Variants in TBC1D1 observed in about 807,000 individuals in gnomAD.
The protein encoded by TBC1D1 is TBC1 (tre-2/USP6, BUB2, cdc16) domain family, member 1.
In TBC1D1, 89 loss-of-function variants were observed where a neutral mutation model predicts 125.6. The ratio of observed to expected loss-of-function variants is 0.71; its 90% CI spans 0.60 to 0.85. TBC1D1 has a LOEUF of 0.85. Among genes scored for constraint, TBC1D1 ranks in the 40% least tolerant of loss-of-function variants. TBC1D1 has a pLI of 0.00. For synonymous variants in TBC1D1, 565 were observed against 564.1 expected, an observed-to-expected ratio of 1.00 and a Z score of -0.02; for missense variants, 1,377 against 1,469.2, an observed-to-expected ratio of 0.94 and a Z score of 1.03.
intron 2 of TBC1D1, among the ~76,000 whole-genome samples, chr4:37,989,973 A>G (rs1283142431): frequency 1.3e-5 from 2 of 152,224 alleles, no homozygotes; most frequent in Non-Finnish European, 2.9e-5. Context: ...TAAAAATAGG[A>G]AGGAAGTTTA....
intron 2 of TBC1D1, among the ~76,000 whole-genome samples, chr4:38,012,688 C>T (rs1741766019): frequency 6.6e-6 from 1 of 152,096 alleles, no homozygotes; most frequent in Non-Finnish European, 1.5e-5. Context: ...TATAATTGAC[C>T]AACAGTTTTT....
intron 2 of TBC1D1, among the ~76,000 whole-genome samples, chr4:37,908,611 G>T (rs182572208): frequency 6.6e-6 from 1 of 152,290 alleles, no homozygotes; most frequent in East Asian, 1.9e-4. Context: ...TCTGGATTTG[G>T]TGTCCACTCT....
At chr4:38,054,927 G>C (rs1048017566) in intron 12 of TBC1D1, 3 of 153,338 alleles carry the variant, frequency 2.0e-5, no homozygotes, top group Non-Finnish European at 4.4e-5. Flanking sequence ...GCGTGCGCAG[G>C]GTGTTTACTG....
chr4:37,986,866 G>A (rs1417692905), intron 2 of TBC1D1, among the ~76,000 whole-genome samples: 2 of 152,072 alleles, frequency 1.3e-5, no homozygotes, highest in South Asian at 2.1e-4. Context: ...ATATGTGAAG[G>A]GTGTCTCTGC....
chr4:38,109,149 C>A (rs776141271), intron 15 of TBC1D1, among the ~76,000 whole-genome samples: 20 of 152,210 alleles, frequency 1.3e-4, no homozygotes, highest in Non-Finnish European at 2.4e-4. Flanking sequence ...TAACATTCAG[C>A]AGTCTTGTTA....
At chr4:38,087,732 C>T (rs1757731912) in intron 12 of TBC1D1, among the ~76,000 whole-genome samples, 1 of 150,700 alleles carries the variant, frequency 6.6e-6, no homozygotes, top group African/African-American at 2.4e-5. Context: ...ATTCCAACTA[C>T]TCACTCGGGA....
chr4:37,974,439 G>A (rs533326039), intron 2 of TBC1D1, among the ~76,000 whole-genome samples: 6 of 152,192 alleles, frequency 3.9e-5, no homozygotes, highest in African/African-American at 9.6e-5. Context: ...GGGTCTCACC[G>A]TGTTGCCCAG....
chr4:37,920,666 A>G (rs961974537), intron 2 of TBC1D1, among the ~76,000 whole-genome samples: 3 of 152,148 alleles, frequency 2.0e-5, no homozygotes, highest in Admixed American at 1.3e-4. Flanking sequence ...AGTCAAAACG[A>G]TGAGAGAGGT....
rs917204528 is a variant in TBC1D1 at position 37,891,334 on chromosome 4, C to A, written c.-108C>A. 1 of 152,362 alleles carries A rather than the reference C, an allele frequency of 6.6e-6. No individual in the cohort carries two copies. Among genetic ancestry groups the A allele is most frequent in the Non-Finnish European group, 1.5e-5 (1 of 68,218 alleles). The allele number at this position is 152,362 out of a possible 1,614,324, so 9.4% of individuals were successfully genotyped here. A position where few individuals can be genotyped will look rare whatever the true frequency, so the allele number is the denominator to read the frequency against. On this transcript the variant is annotated 5_prime_UTR_variant, in exon 1 of 20. Transcript: ENST00000261439. ...TCCCGGCCCGGCCCCGGGCTCTGAG[C>A]GCGCCGCGGCACAGGTAAGGCGCTT...
chr4:37,904,450 T>C (rs1038931422), intron 2 of TBC1D1, among the ~76,000 whole-genome samples: 3 of 152,232 alleles, frequency 2.0e-5, no homozygotes, highest in African/African-American at 7.2e-5. Context: ...GTATTTGGAC[T>C]GAATTTCCTT....
intron 4 of TBC1D1, among the ~76,000 whole-genome samples, chr4:38,019,202 T>G (rs1480411400): frequency 6.6e-6 from 1 of 152,192 alleles, no homozygotes; most frequent in South Asian, 2.1e-4. Context: ...TTTTTCATTT[T>G]CATAATTGAT....
At chr4:37,930,696 T>C (rs1723084207) in intron 2 of TBC1D1, among the ~76,000 whole-genome samples, 1 of 152,226 alleles carries the variant, frequency 6.6e-6, no homozygotes, top group African/African-American at 2.4e-5. Context: ...GTTCTGTGGT[T>C]ACAGTTTTCT....
chr4:37,912,828 C>T (rs894380041), intron 2 of TBC1D1, among the ~76,000 whole-genome samples: 5 of 152,198 alleles, frequency 3.3e-5, no homozygotes, highest in African/African-American at 1.2e-4. Context: ...TTCCCAGCCT[C>T]CAGAACTGTG....
rs1749031971 is a variant in TBC1D1 at position 38,044,510 on chromosome 4, C to T, written c.1542+20C>T. Reference sequence around the variant, plus strand: ...TCCCGGGTAAGTAGCATAATTTCTCCTGATTTAAGTTAAATCACTTTTTAG... The same window carrying T: ...TCCCGGGTAAGTAGCATAATTTCTCTTGATTTAAGTTAAATCACTTTTTAG... On this transcript the variant is annotated intron_variant, in intron 9 of 19. Transcript: ENST00000261439. 1.3e-6 allele frequency: 2 copies of T among 1,597,690 alleles called. No homozygotes were observed. The highest frequency in any genetic ancestry group is 1.7e-6 in the Non-Finnish European group (2 of 1,174,830).
Position 38,021,637 on chromosome 4 carries a change from C to A in TBC1D1, c.1129C>A (p.Gln377Lys). The A allele has an allele frequency of 6.3e-7, 1 of 1,595,728 alleles. No homozygotes were observed. The change falls in exon 6 of 20, where the codon CAG becomes AAG. Residue 377 changes from glutamine (Q) to lysine (K), a missense_variant. By Grantham distance (53) the Gln-to-Lys change is moderately conservative. Transcript: ENST00000261439. The stretch of plus-strand genomic sequence containing the variant: ...ACAGGCCTTCACGGTGGCCGCAGTG[C>A]AGCAGACAGCTAAGGCGCCAGCCCA...
intron 1 of TBC1D1, among the ~76,000 whole-genome samples, chr4:37,892,101 T>A (rs1358603314): frequency 1.3e-5 from 2 of 152,200 alleles, no homozygotes; most frequent in Non-Finnish European, 2.9e-5. Flanking sequence ...TATTAATGGA[T>A]ATGTTTTCCC....
At chr4:37,996,010 G>T in intron 2 of TBC1D1, 1 of 525,354 alleles carries the variant, frequency 1.9e-6, no homozygotes, top group South Asian at 1.4e-5. Flanking sequence ...TCTGGGATGG[G>T]GATGTCCAGT....
chr4:37,994,510 C>G (rs928240311), intron 2 of TBC1D1, among the ~76,000 whole-genome samples: 1 of 152,180 alleles, frequency 6.6e-6, no homozygotes, highest in Non-Finnish European at 1.5e-5. Context: ...TCCCAAAGTG[C>G]TGAGACTACA....
Position 38,020,572 on chromosome 4 carries a change from C to G in TBC1D1, c.973-19C>G, listed in dbSNP as rs372666341. 2 of 1,605,190 alleles carry G rather than the reference C, an allele frequency of 1.2e-6. No individual in the cohort carries two copies. Among genetic ancestry groups the G allele is most frequent in the Admixed American group, 1.7e-5 (1 of 59,886 alleles). ...GTCTTCTGGATACAACTGAACATCT[C>G]GTTCTCTCCCTTTGGCAGGGCATCA... is the stretch of plus-strand genomic sequence containing the variant. On this transcript the variant is annotated intron_variant, in intron 4 of 19. Coordinates refer to ENST00000261439, the MANE Select transcript of TBC1D1 (RefSeq NM_015173.4).
Sources: gnomAD v4.1 joint callset for allele counts (sites outside exome capture counted in the v4.1 genomes callset) on GRCh38, gnomAD v4.1.1 for gene constraint, MANE v1.5 for transcripts, NCBI Gene and HGNC (gene_info 2026-07-23, HGNC 2026-07-21) for gene names.